Variants in ADAMTS10 observed in about 807,000 individuals in gnomAD.
The protein encoded by ADAMTS10 is A disintegrin and metalloproteinase with thrombospondin motifs 10.
Under a neutral mutation model 135.9 loss-of-function variants are expected in ADAMTS10, and 48 were observed. The observed-to-expected ratio is 0.35, with a 90% CI of 0.28 to 0.45. ADAMTS10 has a LOEUF of 0.45. Among genes scored for constraint, ADAMTS10 ranks in the 20% least tolerant of loss-of-function variants. The pLI, the probability that ADAMTS10 is intolerant of heterozygous loss-of-function variation, is 1.00. For missense variants in ADAMTS10, 1,131 were observed against 1,565.2 expected (o/e 0.72, Z 4.68); for synonymous variants, 621 against 647.5 (o/e 0.96, Z 0.62).
At chr19:8,604,887 G>C in intron 4 of ADAMTS10, 125 bp downstream of exon 4, 1 of 1,097,954 alleles carries the variant, frequency 9.1e-7, no homozygotes, top group Admixed American at 2.0e-5. Context: ...CCAAAGCACT[G>C]ATTGGCTCAA....
chr19:8,581,626 G>A (rs1172398015), intron 25 of ADAMTS10, among the ~76,000 whole-genome samples: 2 of 151,852 alleles, frequency 1.3e-5, no homozygotes, highest in African/African-American at 4.8e-5. Flanking sequence ...CTTCAGGTCG[G>A]GAGTTTGAAA....
intron 12 of ADAMTS10, chr19:8,593,241 T>C (rs1255064053): frequency 7.4e-6 from 2 of 269,682 alleles, no homozygotes; most frequent in African/African-American, 4.4e-5. Flanking sequence ...AACTTTGCAA[T>C]TCAGTTCCTG....
intron 6 of ADAMTS10, among the ~76,000 whole-genome samples, chr19:8,600,417 A>AACCT (rs782305667): frequency 1.3e-5 from 2 of 151,316 alleles, no homozygotes; most frequent in Non-Finnish European, 1.5e-5. Context: ...ATATGCAACC[A>AACCT]ACCTACCTAC....
chr19:8,601,024 C>G lies in ADAMTS10; in HGVS notation c.714G>C (p.Glu238Asp). 1 of 1,614,188 alleles carries G rather than the reference C, an allele frequency of 6.2e-7. No homozygotes were observed. Among genetic ancestry groups the G allele is most frequent in the Non-Finnish European group, 8.5e-7 (1 of 1,180,048 alleles). The change falls in exon 6 of 26, where the codon GAG becomes GAC. Residue 238 changes from glutamate (E) to aspartate (D), a missense_variant. By Grantham distance (45) the Glu-to-Asp change is conservative. Transcript: ENST00000597188. The surrounding 1 kb of genome is among the most constrained non-coding windows in gnomAD (Gnocchi z 4.6). ...CCACCACCAGGGTCTCCACGTAGCG[C>G]TCTCGGCTGACCGATCGCTTCAGGC... is the stretch of plus-strand genomic sequence containing the variant. Reference protein sequence around the residue: ...QPGLKRSVSRERYVETLVVAD... With the variant: ...QPGLKRSVSRDRYVETLVVAD...
In ADAMTS10 at chr19:8,596,225, G is replaced by C; in HGVS notation, c.1191-6C>G. On this transcript the variant is annotated splice_polypyrimidine_tract_variant and splice_region_variant and intron_variant, in intron 10 of 25. Transcript: ENST00000597188. This position sits in a 1 kb window ranked among gnomAD's most constrained non-coding sequence, Gnocchi z 7.2. Reference sequence around the variant, plus strand: ...CGTCATGGTTCATGCCGAATCTGGGGAAAGGGGTGTCGGCTCTGCCGGGCG... The same window carrying C: ...CGTCATGGTTCATGCCGAATCTGGGCAAAGGGGTGTCGGCTCTGCCGGGCG... The C allele has an allele frequency of 6.2e-7, 1 of 1,613,816 alleles. No homozygotes were observed. Among genetic ancestry groups the C allele is most frequent in the Non-Finnish European group, 8.5e-7 (1 of 1,180,014 alleles).
At chr19:8,590,071 G>T in intron 15 of ADAMTS10, 80 bp from the exon 16 acceptor site, 1 of 1,010,752 alleles carries the variant, frequency 9.9e-7, no homozygotes, top group Non-Finnish European at 1.5e-6. Flanking sequence ...GAGAAAGATG[G>T]GCTGGAGGAG....
chr19:8,607,656 G>C (rs1254689244), intron 2 of ADAMTS10, among the ~76,000 whole-genome samples: 2 of 152,090 alleles, frequency 1.3e-5, no homozygotes, highest in Admixed American at 1.3e-4. Context: ...AGGGAGCCAG[G>C]TTTTTGCCAA....
chr19:8,581,660 C>T (rs570324944), intron 25 of ADAMTS10, among the ~76,000 whole-genome samples: 2 of 152,046 alleles, frequency 1.3e-5, no homozygotes, highest in Non-Finnish European at 2.9e-5. Flanking sequence ...CGTGATCAAA[C>T]CCCATCTCTA....
At chr19:8,592,977 CA>C in intron 12 of ADAMTS10, 107 bp from the exon 13 acceptor site, 2 of 1,052,942 alleles carry the variant, frequency 1.9e-6, no homozygotes, top group Non-Finnish European at 2.8e-6. Context: ...GGTCCCAGAG[CA>C]GAGAGCCCGG....
chr19:8,590,260 C>G (rs1048243172), intron 15 of ADAMTS10, among the ~76,000 whole-genome samples: 36 of 152,036 alleles, frequency 2.4e-4, no homozygotes, highest in Non-Finnish European at 3.8e-4. Flanking sequence ...GCTATGGAAT[C>G]TTTCTTGCTT....
chr19:8,603,138 A>C (rs1482136475), intron 5 of ADAMTS10, among the ~76,000 whole-genome samples: 1 of 152,124 alleles, frequency 6.6e-6, no homozygotes, highest in Non-Finnish European at 1.5e-5. Flanking sequence ...CTAGAGAAGG[A>C]ATGGTTTTAT....
At position 8,586,554 on chromosome 19, in the gene ADAMTS10, T is replaced by G. The variant is rs187565033; in HGVS notation, c.2403+4A>C. On this transcript the variant is annotated splice_donor_region_variant and intron_variant, in intron 20 of 25. Transcript: ENST00000597188. ...CTGCACCTTGCCCCCAGTCTCCCTGTTACCATGACGATGAGAGATGCATTA... is the reference window on the plus strand; with the variant it reads ...CTGCACCTTGCCCCCAGTCTCCCTGGTACCATGACGATGAGAGATGCATTA... The G allele has an allele frequency of 1.9e-6, 3 of 1,613,602 alleles. No homozygotes were observed. The highest frequency in any genetic ancestry group is 3.3e-4 in the Middle Eastern group (2 of 6,062).
intron 12 of ADAMTS10, among the ~76,000 whole-genome samples, chr19:8,594,246 G>C (rs1309998041): frequency 6.6e-6 from 1 of 152,092 alleles, no homozygotes; most frequent in Non-Finnish European, 1.5e-5. Flanking sequence ...CCCTCTCTGG[G>C]CCTCAGTTTA....
In ADAMTS10 at chr19:8,584,920, G is replaced by T. The variant is rs2146037761; in HGVS notation, c.3177C>A (p.Ser1059Arg). 1 of 1,548,952 alleles carries T rather than the reference G, an allele frequency of 6.5e-7. No homozygotes were observed. Among genetic ancestry groups the T allele is most frequent in the Non-Finnish European group, 8.7e-7 (1 of 1,146,482 alleles). Residue 1059 changes from serine to arginine, a missense_variant, in exon 25 of 26, where the codon AGC becomes AGA. Physicochemically the swap from Ser to Arg is moderately radical, Grantham distance 110 (BLOSUM62 -1). Coordinates refer to ENST00000597188, the MANE Select transcript of ADAMTS10 (RefSeq NM_030957.4). ...TTQQCEAKCD[S>R]PTPGDGPEEC... ...CTTCAGGGCCGTCCCCGGGGGTTGGGCTGTCGCACTTGGCCTCACACTGCT... is the reference window on the plus strand; with the variant it reads ...CTTCAGGGCCGTCCCCGGGGGTTGGTCTGTCGCACTTGGCCTCACACTGCT...
intron 25 of ADAMTS10, among the ~76,000 whole-genome samples, chr19:8,583,458 T>C (rs1313993057): frequency 1.3e-5 from 2 of 152,004 alleles, no homozygotes; most frequent in Non-Finnish European, 2.9e-5. Flanking sequence ...GGAGAATCAC[T>C]TGTACCCAGG....
intron 22 of ADAMTS10, 64 bp downstream of exon 22, chr19:8,586,058 G>T (rs1555737018): frequency 5.6e-6 from 9 of 1,609,992 alleles, no homozygotes; most frequent in Non-Finnish European, 7.6e-6. Flanking sequence ...TGGAGCACTC[G>T]CTCTTGACTC....
At chr19:8,587,019 C>T (rs1443150111) in intron 18 of ADAMTS10, 123 bp from the exon 19 acceptor site, 2 of 1,012,848 alleles carry the variant, frequency 2.0e-6, no homozygotes, top group Non-Finnish European at 3.1e-6. Flanking sequence ...TCTAACTGCA[C>T]CCCTGCCCCA....
rs2042604702 is a variant in ADAMTS10, at chr19:8,596,368, T to C, written c.1129A>G (p.Ser377Gly). The C allele has an allele frequency of 3.1e-6, 5 of 1,613,276 alleles. No homozygotes were observed. The highest frequency in any genetic ancestry group is 4.2e-6 in the Non-Finnish European group (5 of 1,179,898). ...GCCAGGCCAATGTCCTCATTGACGCTGCAGCTTCTCTCGCGCTCACACATT... is the reference window on the plus strand; with the variant it reads ...GCCAGGCCAATGTCCTCATTGACGCCGCAGCTTCTCTCGCGCTCACACATT... Reference protein sequence around the residue: ...GGMCERERSCSVNEDIGLATA... With the variant: ...GGMCERERSCGVNEDIGLATA... The change falls in exon 10 of 26, where the codon AGC becomes GGC. Residue 377 changes from serine (S) to glycine (G), a missense_variant. Physicochemically the swap from Ser to Gly is moderately conservative, Grantham distance 56. Transcript: ENST00000597188. The surrounding 1 kb of genome is among the most constrained non-coding windows in gnomAD (Gnocchi z 7.2).
At chr19:8,586,078 C>T in intron 22 of ADAMTS10, 44 bp downstream of exon 22, 2 of 1,611,598 alleles carry the variant, frequency 1.2e-6, no homozygotes, top group Non-Finnish European at 1.7e-6. Flanking sequence ...CCAGGGAGTA[C>T]TCTCCTCTCA....
Sources: allele counts gnomAD v4.1 joint callset (sites outside exome capture counted in the v4.1 genomes callset), GRCh38; gene constraint gnomAD v4.1.1; non-coding constraint Gnocchi (gnomAD v3.1); transcripts MANE v1.5; gene names NCBI Gene and HGNC (gene_info 2026-07-23, HGNC 2026-07-21).